Variants in OCA2 observed in about 807,000 individuals in gnomAD.
OCA2 encodes the protein OCA2 melanosomal transmembrane protein, also known as P protein.
OCA2 carries 77 observed loss-of-function variants against 100.2 expected under a neutral mutation model. The ratio of observed to expected loss-of-function variants is 0.77; its 90% CI spans 0.64 to 0.93. The LOEUF (loss-of-function observed/expected upper bound fraction) is 0.93. Among genes scored for constraint, OCA2 ranks in the 40% least tolerant of loss-of-function variants. The probability of loss-of-function intolerance (pLI) is 0.00; values close to 1 mark genes in which losing one functional copy is unlikely to be tolerated. For missense variants in OCA2, 1,062 were observed against 1,089.1 expected (o/e 0.98, Z 0.35); for synonymous variants, 432 against 439.2 (o/e 0.98, Z 0.21).
intron 18 of OCA2, among the ~76,000 whole-genome samples, chr15:27,930,789 C>T (rs2039221834): frequency 6.6e-6 from 1 of 151,672 alleles, no homozygotes; most frequent in Admixed American, 6.6e-5. Flanking sequence ...TTCATCAGGG[C>T]AGGGGTCTGA....
chr15:27,837,860 A>C (rs1332575060), intron 23 of OCA2, among the ~76,000 whole-genome samples: 1 of 151,454 alleles, frequency 6.6e-6, no homozygotes, highest in African/African-American at 2.4e-5. Context: ...GGAACCAAAA[A>C]TGAATGGAAA....
chr15:28,032,045 T>C lies in OCA2; in HGVS notation c.326+20A>G. On this transcript the variant is annotated intron_variant, in intron 3 of 23. Coordinates refer to ENST00000354638, the MANE Select transcript of OCA2 (RefSeq NM_000275.3). Reference sequence around the variant, plus strand: ...ATGCTCAGAAACTCTTACTTTCATATGAGGGGGAAAATATCTCACCCTTTC... The same window carrying C: ...ATGCTCAGAAACTCTTACTTTCATACGAGGGGGAAAATATCTCACCCTTTC... The C allele has an allele frequency of 1.9e-6, 3 of 1,571,950 alleles. No individual in the cohort carries two copies. The highest frequency in any genetic ancestry group is 2.6e-6 in the Non-Finnish European group (3 of 1,141,352).
At chr15:27,883,087 T>C (rs1481556270) in intron 19 of OCA2, among the ~76,000 whole-genome samples, 2 of 152,148 alleles carry the variant, frequency 1.3e-5, no homozygotes, top group African/African-American at 4.8e-5. Flanking sequence ...TGGCTCTCTC[T>C]TCTGGTTTTC....
At chr15:27,785,587 G>T (rs574266009) in intron 23 of OCA2, among the ~76,000 whole-genome samples, 2 of 152,296 alleles carry the variant, frequency 1.3e-5, no homozygotes, top group Non-Finnish European at 2.9e-5. Context: ...AGAAAGAAAA[G>T]AAAAGAAGTA....
At chr15:28,030,967 C>T (rs372750297) in intron 3 of OCA2, among the ~76,000 whole-genome samples, 6 of 152,100 alleles carry the variant, frequency 3.9e-5, no homozygotes, top group Non-Finnish European at 8.8e-5. Flanking sequence ...AGAGAAGACC[C>T]CTTCCCTCTT....
rs149089740 is a variant in OCA2 at position 27,983,759 on chromosome 15, G to A, written c.1365-276C>T. ...CCTTTCCCCAATGCTCCCAGGTCTG[G>A]AGGGAGCACTGGCCCCCAGGGCAGG... On this transcript the variant is annotated intron_variant, in intron 13 of 23. Transcript: ENST00000354638. Among the ~76,000 whole-genome samples, 15 of 152,044 alleles carry A rather than the reference G, an allele frequency of 9.9e-5. No individual in the cohort carries two copies. The South Asian group carries it at 2.1e-3, about 21-fold the overall frequency.
chr15:27,971,250 A>G (rs2040779221), intron 14 of OCA2, among the ~76,000 whole-genome samples: 1 of 152,148 alleles, frequency 6.6e-6, no homozygotes, highest in South Asian at 2.1e-4. Context: ...AAAAGCATCC[A>G]AGTACACAAC....
At chr15:27,763,699 A>C (rs1318415888) in intron 23 of OCA2, among the ~76,000 whole-genome samples, 2 of 151,992 alleles carry the variant, frequency 1.3e-5, no homozygotes, top group African/African-American at 2.4e-5. Flanking sequence ...GGAGGCAGGC[A>C]CCCTCCTGGG....
At chr15:28,020,106 G>A (rs1244431654) in intron 6 of OCA2, among the ~76,000 whole-genome samples, 2 of 152,086 alleles carry the variant, frequency 1.3e-5, no homozygotes, top group Admixed American at 6.5e-5. Flanking sequence ...GGGAGCAGGC[G>A]AGACAGCTCC....
At chr15:27,844,770 G>A (rs552019694) in intron 23 of OCA2, among the ~76,000 whole-genome samples, 189 bp downstream of exon 23, 1 of 152,226 alleles carries the variant, frequency 6.6e-6, no homozygotes, top group South Asian at 2.1e-4. Context: ...CAAAGTGCTA[G>A]GATTACAGGC....
At chr15:27,907,785 C>A (rs1239109078) in intron 19 of OCA2, among the ~76,000 whole-genome samples, 1 of 152,108 alleles carries the variant, frequency 6.6e-6, no homozygotes, top group Non-Finnish European at 1.5e-5. Context: ...TAGAGAAATA[C>A]AGATTGCCAA....
At chr15:27,935,272 A>G (rs1167735355) in intron 18 of OCA2, among the ~76,000 whole-genome samples, 1 of 152,226 alleles carries the variant, frequency 6.6e-6, no homozygotes, top group East Asian at 1.9e-4. Context: ...TGGAGCTTCT[A>G]TCAAACGCTT....
chr15:27,968,595 T>C (rs1386645199), intron 14 of OCA2, among the ~76,000 whole-genome samples: 1 of 152,268 alleles, frequency 6.6e-6, no homozygotes, highest in Non-Finnish European at 1.5e-5. Context: ...ACTTTCAACA[T>C]TATTAAAGAT....
chr15:27,771,095 C>CT (rs2031804827), intron 23 of OCA2, among the ~76,000 whole-genome samples: 1 of 83,842 alleles, frequency 1.2e-5, no homozygotes, highest in African/African-American at 3.3e-5. Context: ...TCTTTTCTCC[C>CT]TCCATTTTTT....
chr15:27,985,028 T>C (rs1197089522), intron 13 of OCA2, 36 bp downstream of exon 13: 3 of 1,612,806 alleles, frequency 1.9e-6, no homozygotes, highest in African/African-American at 2.7e-5. Context: ...TGCCAGAACC[T>C]GGCCGCAACT....
chr15:28,014,743 C>G, intron 9 of OCA2, 33 bp downstream of exon 9: 1 of 1,606,594 alleles, frequency 6.2e-7, no homozygotes, highest in South Asian at 1.1e-5. Context: ...ACTGTGGGCC[C>G]AGACAGATCG....
chr15:27,822,415 AAC>A, intron 23 of OCA2, among the ~76,000 whole-genome samples: 1 of 152,322 alleles, frequency 6.6e-6, no homozygotes, highest in East Asian at 1.9e-4. Flanking sequence ...CTTAAGTGAA[AAC>A]AGAGTGGCAT....
At chr15:27,990,683 G>A in intron 9 of OCA2, 36 bp from the exon 10 acceptor site, 1 of 1,585,420 alleles carries the variant, frequency 6.3e-7, no homozygotes, top group Non-Finnish European at 8.7e-7. Context: ...GCGTTCCAGT[G>A]CACGAGGGAG....
chr15:27,940,327 C>T (rs1562591), intron 18 of OCA2, among the ~76,000 whole-genome samples: 2 of 152,110 alleles, frequency 1.3e-5, no homozygotes, highest in East Asian at 3.9e-4. Flanking sequence ...CTACTGGACC[C>T]CCAGAAAGGT....
Sources: allele counts gnomAD v4.1 joint callset (sites outside exome capture counted in the v4.1 genomes callset), GRCh38; gene constraint gnomAD v4.1.1; transcripts MANE v1.5; gene names NCBI Gene and HGNC (gene_info 2026-07-23, HGNC 2026-07-21).